The following NCK1 variants were observed in gnomAD, a reference collection of about 807,000 sequenced individuals.
NCK1 encodes SH2/SH3 adapter protein NCK1.
NCK1 carries 19 observed loss-of-function variants against 36.6 expected under a neutral mutation model. That is an observed-to-expected ratio of 0.52 (90% CI 0.36 to 0.76). The LOEUF (loss-of-function observed/expected upper bound fraction) is 0.76, where lower values mean the gene tolerates loss of function less well. NCK1 is among the 30% of genes least tolerant of loss of function. NCK1 has a pLI of 0.00. For missense variants in NCK1, 358 were observed against 445.6 expected, an observed-to-expected ratio of 0.80 and a Z score of 1.77; for synonymous variants, 165 against 156.0, an observed-to-expected ratio of 1.06 and a Z score of -0.43.
At chr3:136,866,377 G>A (rs1365583623) in intron 1 of NCK1, among the ~76,000 whole-genome samples, 3 of 150,232 alleles carry the variant, frequency 2.0e-5, no homozygotes, top group South Asian at 2.1e-4. Context: ...GTGCGATCTC[G>A]GCTCCCCGTA....
intron 3 of NCK1, among the ~76,000 whole-genome samples, chr3:136,947,349 AAAG>A (rs992563499): frequency 2.5e-4 from 38 of 152,276 alleles, no homozygotes; most frequent in African/African-American, 8.4e-4. Context: ...AACTAATTAA[AAAG>A]AAGATAGCTT....
intron 1 of NCK1, among the ~76,000 whole-genome samples, chr3:136,906,465 A>G (rs929785663): frequency 1.3e-5 from 2 of 152,104 alleles, no homozygotes; most frequent in Non-Finnish European, 2.9e-5. Context: ...CTCAGGCCCC[A>G]GTGGTGGCAC....
At chr3:136,930,618 C>T in intron 2 of NCK1, 1 of 1,427,834 alleles carries the variant, frequency 7.0e-7, no homozygotes. Flanking sequence ...TTTATTAAAT[C>T]CACTGTTTTC....
At chr3:136,913,032 CTTCTT>C (rs999566239) in intron 1 of NCK1, among the ~76,000 whole-genome samples, 5 of 151,986 alleles carry the variant, frequency 3.3e-5, no homozygotes, top group Admixed American at 6.6e-5. Context: ...TTCTCTGTGT[CTTCTT>C]TTAGTTCTTT....
intron 1 of NCK1, among the ~76,000 whole-genome samples, chr3:136,913,952 G>GC (rs1274869668): frequency 1.3e-5 from 2 of 152,188 alleles, no homozygotes; most frequent in African/African-American, 4.8e-5. Context: ...GAGCCACCAC[G>GC]CCCAGCCGCA....
chr3:136,867,170 TTCCTTCCTTC>T (rs879478837), intron 1 of NCK1, among the ~76,000 whole-genome samples: 9,089 of 57,336 alleles, frequency 0.16, 1,146 homozygotes, highest in Non-Finnish European at 0.18. Flanking sequence ...CCTTCCTTCC[TTCCTTCCTTC>T]TTTCTTTCTT....
At chr3:136,947,894 G>A (rs561184715) in intron 3 of NCK1, among the ~76,000 whole-genome samples, 1 of 152,218 alleles carries the variant, frequency 6.6e-6, no homozygotes, top group East Asian at 1.9e-4. Context: ...TTTCTCATGT[G>A]TTTCTCTGAC....
At chr3:136,885,389 C>T (rs2108082080) in intron 1 of NCK1, among the ~76,000 whole-genome samples, 1 of 152,312 alleles carries the variant, frequency 6.6e-6, no homozygotes, top group East Asian at 1.9e-4. Flanking sequence ...GCTCTGTCAC[C>T]TAGGCTGGAG....
chr3:136,881,798 T>C (rs1421204662), intron 1 of NCK1, among the ~76,000 whole-genome samples: 1 of 152,246 alleles, frequency 6.6e-6, no homozygotes, highest in Non-Finnish European at 1.5e-5. Flanking sequence ...TTTCCGTGGC[T>C]GGCTTATTTC....
chr3:136,927,617 G>A (rs372510063), intron 1 of NCK1, among the ~76,000 whole-genome samples: 49 of 152,160 alleles, frequency 3.2e-4, no homozygotes, highest in African/African-American at 9.2e-4. Flanking sequence ...CGCCTCCCAG[G>A]TTCAAGCTAT....
chr3:136,897,836 C>T (rs1378750284), intron 1 of NCK1, among the ~76,000 whole-genome samples: 1 of 152,044 alleles, frequency 6.6e-6, no homozygotes, highest in Non-Finnish European at 1.5e-5. Context: ...AAAAATTGAT[C>T]AGAAGCTAGT....
intron 2 of NCK1, among the ~76,000 whole-genome samples, chr3:136,939,229 T>C (rs1056838682): frequency 1.3e-5 from 2 of 152,192 alleles, no homozygotes; most frequent in East Asian, 3.8e-4. Context: ...TTGGAATTGA[T>C]GTTTTTCTTC....
At chr3:136,909,185 A>G (rs1939770199) in intron 1 of NCK1, among the ~76,000 whole-genome samples, 1 of 152,204 alleles carries the variant, frequency 6.6e-6, no homozygotes, top group Non-Finnish European at 1.5e-5. Context: ...GCAGCACAAA[A>G]TGGACTAAGA....
intron 1 of NCK1, among the ~76,000 whole-genome samples, chr3:136,877,747 A>G (rs1938813981): frequency 1.3e-5 from 2 of 152,182 alleles, no homozygotes; most frequent in African/African-American, 4.8e-5. Flanking sequence ...AAAAATGTTC[A>G]ATCCTAAGTG....
intron 2 of NCK1, among the ~76,000 whole-genome samples, chr3:136,935,769 T>C (rs548729586): frequency 6.6e-6 from 1 of 152,330 alleles, no homozygotes; most frequent in African/African-American, 2.4e-5. Flanking sequence ...AATTCAGTAG[T>C]ATTGAGTACA....
intron 1 of NCK1, among the ~76,000 whole-genome samples, chr3:136,870,044 TTTTTTTA>T (rs368303784): frequency 0.16 from 23,637 of 147,942 alleles, 2,505 homozygotes; most frequent in Non-Finnish European, 0.24. Flanking sequence ...TTTTTTTTTT[TTTTTTTA>T]AAAGAATCAT....
chr3:136,885,680 G>A (rs1028276384), intron 1 of NCK1, among the ~76,000 whole-genome samples: 3 of 152,138 alleles, frequency 2.0e-5, no homozygotes, highest in African/African-American at 7.2e-5. Context: ...GTTTGCTGTG[G>A]TGATTAATGA....
At chr3:136,902,404 A>G (rs1939568353) in intron 1 of NCK1, among the ~76,000 whole-genome samples, 1 of 152,176 alleles carries the variant, frequency 6.6e-6, no homozygotes, top group East Asian at 1.9e-4. Flanking sequence ...CATGCTGCCC[A>G]GGCTGGTCTC....
intron 1 of NCK1, among the ~76,000 whole-genome samples, chr3:136,890,750 T>A (rs1455276965): frequency 6.6e-6 from 1 of 152,190 alleles, no homozygotes; most frequent in Non-Finnish European, 1.5e-5. Context: ...TAACATAAAA[T>A]TTACCATTTT....
Sources: gnomAD v4.1 joint callset for allele counts (sites outside exome capture counted in the v4.1 genomes callset) on GRCh38, gnomAD v4.1.1 for gene constraint, MANE v1.5 for transcripts, NCBI Gene and HGNC (gene_info 2026-07-23, HGNC 2026-07-21) for gene names.